The following MACROD2 variants were observed in gnomAD, a reference collection of about 807,000 sequenced individuals.
MACROD2 encodes the protein mono-ADP ribosylhydrolase 2, also known as ADP-ribose glycohydrolase MACROD2.
MACROD2 carries 36 observed loss-of-function variants against 70.4 expected under a neutral mutation model. The observed-to-expected ratio is 0.51, with a 90% CI of 0.39 to 0.68. The LOEUF (loss-of-function observed/expected upper bound fraction) is 0.68, where lower values mean the gene tolerates loss of function less well. Ranked by LOEUF, MACROD2 falls within the 30% of genes least tolerant of loss-of-function variation. MACROD2 has a pLI of 0.00. For missense variants in MACROD2, 496 were observed against 538.4 expected, an observed-to-expected ratio of 0.92 and a Z score of 0.78; for synonymous variants, 172 against 178.8, an observed-to-expected ratio of 0.96 and a Z score of 0.30.
At chr20:14,690,048 A>G (rs1453842681) in intron 5 of MACROD2, among the ~76,000 whole-genome samples, 1 of 149,988 alleles carries the variant, frequency 6.7e-6, no homozygotes, top group Non-Finnish European at 1.5e-5. Context: ...CCTGTCTCCA[A>G]AATTTACTCT....
intron 5 of MACROD2, among the ~76,000 whole-genome samples, chr20:15,189,155 G>T (rs1374433938): frequency 6.6e-6 from 1 of 151,946 alleles, no homozygotes; most frequent in East Asian, 1.9e-4. Context: ...TTTTTCATAA[G>T]GTAATAATGA....
At chr20:15,382,909 G>A (rs6043244) in intron 6 of MACROD2, among the ~76,000 whole-genome samples, 1,762 of 152,252 alleles carry the variant, frequency 0.012, 34 homozygotes, top group African/African-American at 0.04. Context: ...AAAGAAGAAA[G>A]GAGAAACATA....
chr20:14,988,569 T>G (rs1229731673), intron 5 of MACROD2, among the ~76,000 whole-genome samples: 1 of 152,162 alleles, frequency 6.6e-6, no homozygotes, highest in Admixed American at 6.5e-5. Context: ...TGTTTTTAAG[T>G]GACATTGATG....
chr20:15,324,126 A>C (rs1185080912), intron 6 of MACROD2, among the ~76,000 whole-genome samples: 1 of 152,170 alleles, frequency 6.6e-6, no homozygotes, highest in Non-Finnish European at 1.5e-5. Flanking sequence ...CTCTAAAGTA[A>C]CATCAAGCAA....
intron 5 of MACROD2, among the ~76,000 whole-genome samples, chr20:15,008,245 C>T (rs529426796): frequency 6.6e-6 from 1 of 152,140 alleles, no homozygotes; most frequent in African/African-American, 2.4e-5. Flanking sequence ...CTTTAGGAGG[C>T]CAAGGCAGGA....
intron 6 of MACROD2, among the ~76,000 whole-genome samples, chr20:15,428,346 G>T (rs185168396): frequency 4.5e-4 from 68 of 152,200 alleles, no homozygotes; most frequent in Non-Finnish European, 5.3e-4. Flanking sequence ...AAAGAGTTCA[G>T]AACATACAAC....
At chr20:15,553,116 A>G (rs957204824) in intron 8 of MACROD2, among the ~76,000 whole-genome samples, 2 of 152,164 alleles carry the variant, frequency 1.3e-5, no homozygotes, top group East Asian at 3.9e-4. Context: ...TTAACAGGCA[A>G]CTGGTAAATT....
At position 15,921,481 on chromosome 20, in the gene MACROD2, C is replaced by T. The variant is rs1029053323; in HGVS notation, c.776-11795C>T. ...GTTCCTGGACGTGCTCTTCACTCCA[C>T]CTGGAGCGATCATCCCTCTCTCTCC... On this transcript the variant is annotated intron_variant, in intron 10 of 17. Transcript: ENST00000684519. Among the ~76,000 whole-genome samples the T allele has an allele frequency of 2.0e-5, 3 of 151,772 alleles. No homozygotes were observed. In the East Asian group the frequency reaches 5.8e-4, roughly 29 times the overall value.
At chr20:14,417,137 T>C (rs1224769134) in intron 3 of MACROD2, among the ~76,000 whole-genome samples, 1 of 152,202 alleles carries the variant, frequency 6.6e-6, no homozygotes, top group Non-Finnish European at 1.5e-5. Flanking sequence ...CTTATTTTTC[T>C]TCCTAAGTTC....
At chr20:15,286,980 A>T (rs778021652) in intron 6 of MACROD2, among the ~76,000 whole-genome samples, 141 of 152,300 alleles carry the variant, frequency 9.3e-4, no homozygotes, top group Non-Finnish European at 1.3e-4. Context: ...AAGAGACGCT[A>T]CACTGCATTT....
At chr20:14,211,755 G>A (rs954268679) in intron 3 of MACROD2, among the ~76,000 whole-genome samples, 2 of 152,120 alleles carry the variant, frequency 1.3e-5, no homozygotes, top group African/African-American at 2.4e-5. Context: ...TAGACTGAAG[G>A]TCTCAGCATG....
intron 7 of MACROD2, among the ~76,000 whole-genome samples, chr20:15,450,822 C>T (rs1457671234): frequency 6.6e-6 from 1 of 152,112 alleles, no homozygotes; most frequent in Non-Finnish European, 1.5e-5. Flanking sequence ...GACAGTTGTA[C>T]CTCAGGTGCT....
At chr20:15,408,071 G>C (rs1485901756) in intron 6 of MACROD2, among the ~76,000 whole-genome samples, 3 of 152,130 alleles carry the variant, frequency 2.0e-5, no homozygotes, top group Non-Finnish European at 4.4e-5. Context: ...AATTTGCTGG[G>C]CTTTTTTTCT....
Position 14,515,465 on chromosome 20 carries a change from G to GCGCACGCACA in MACROD2, c.301+21958_301+21959insGCACGCACAC, listed in dbSNP as rs1369248292. ...AAGAATATGTGAGATACACACACAC[G>GCGCACGCACA]CACACACACACACACACACACACAC... On this transcript the variant is annotated intron_variant, in intron 4 of 17. Coordinates refer to ENST00000684519, the MANE Select transcript of MACROD2 (RefSeq NM_001351661.2). 4.0e-3 allele frequency among the ~76,000 whole-genome samples: 507 copies of GCGCACGCACA among 127,166 alleles called. 4 individuals carry two copies. Among genetic ancestry groups the GCGCACGCACA allele is most frequent in the African/African-American group, 0.015 (479 of 31,944 alleles). 83.4% of individuals were successfully genotyped at this position (127,166 alleles called of 152,430 possible).
chr20:15,031,173 G>A (rs909003677), intron 5 of MACROD2, among the ~76,000 whole-genome samples: 20 of 152,208 alleles, frequency 1.3e-4, no homozygotes, highest in African/African-American at 4.8e-4. Flanking sequence ...AATGGCTTCC[G>A]CTGTGGACGT....
intron 4 of MACROD2, among the ~76,000 whole-genome samples, chr20:14,655,744 TCA>T (rs1985940668): frequency 1.3e-5 from 2 of 152,188 alleles, no homozygotes; most frequent in African/African-American, 4.8e-5. Context: ...AACATAATAA[TCA>T]AATAGAAATT....
chr20:15,132,781 A>G (rs2076116227), intron 5 of MACROD2, among the ~76,000 whole-genome samples: 1 of 152,080 alleles, frequency 6.6e-6, no homozygotes, highest in African/African-American at 2.4e-5. Context: ...TTGAAAAAGA[A>G]AAGTAATGAG....
intron 5 of MACROD2, among the ~76,000 whole-genome samples, chr20:15,228,452 C>T (rs574051348): frequency 3.8e-4 from 57 of 151,376 alleles, no homozygotes; most frequent in African/African-American, 1.2e-3. Flanking sequence ...TAGTGGGCAA[C>T]CAACAGAGAT....
chr20:15,703,488 A>G (rs544810733), intron 8 of MACROD2, among the ~76,000 whole-genome samples: 2 of 152,282 alleles, frequency 1.3e-5, no homozygotes, highest in South Asian at 4.1e-4. Flanking sequence ...CTCTCCACTA[A>G]AGCCACACTG....
Sources: allele counts gnomAD v4.1 joint callset (sites outside exome capture counted in the v4.1 genomes callset), GRCh38; gene constraint gnomAD v4.1.1; transcripts MANE v1.5; gene names NCBI Gene and HGNC (gene_info 2026-07-23, HGNC 2026-07-21).